FRMD5: variants seen among roughly 807,000 people sequenced by gnomAD.
FRMD5 encodes FERM domain containing 5, also known as FERM domain-containing protein 5.
In FRMD5, 20 loss-of-function variants were observed where a neutral mutation model predicts 69.0. That is an observed-to-expected ratio of 0.29 (90% CI 0.20 to 0.42). The LOEUF (loss-of-function observed/expected upper bound fraction) is 0.42. FRMD5 is among the 10% of genes least tolerant of loss of function. The pLI is 1.00. For missense variants in FRMD5, 595 were observed against 708.6 expected, an observed-to-expected ratio of 0.84 and a Z score of 1.82; for synonymous variants, 271 against 260.1, an observed-to-expected ratio of 1.04 and a Z score of -0.40.
intron 2 of FRMD5, among the ~76,000 whole-genome samples, chr15:43,920,280 T>C (rs2089471176): frequency 6.6e-6 from 1 of 152,070 alleles, no homozygotes; most frequent in South Asian, 2.1e-4. Flanking sequence ...CTCTAGAAAG[T>C]AGTGAGAAGT....
At chr15:44,111,847 CTT>C (rs2076800394) in intron 1 of FRMD5, among the ~76,000 whole-genome samples, 1 of 151,506 alleles carries the variant, frequency 6.6e-6, no homozygotes, top group South Asian at 2.1e-4. Context: ...ATACTTCTCT[CTT>C]TTCCTTTTTT....
intron 1 of FRMD5, among the ~76,000 whole-genome samples, chr15:44,091,362 G>A (rs540890262): frequency 3.3e-5 from 5 of 151,754 alleles, no homozygotes; most frequent in East Asian, 1.9e-4. Context: ...ACACACACAC[G>A]CACATGCACA....
chr15:43,984,523 G>C (rs1237702023), intron 1 of FRMD5, among the ~76,000 whole-genome samples: 1 of 152,186 alleles, frequency 6.6e-6, no homozygotes, highest in Non-Finnish European at 1.5e-5. Context: ...AACAATCCTT[G>C]TCACAACTGC....
intron 1 of FRMD5, among the ~76,000 whole-genome samples, chr15:44,038,470 G>A (rs1892023438): frequency 6.9e-6 from 1 of 144,338 alleles, no homozygotes; most frequent in East Asian, 2.1e-4. Context: ...TTTTGTATAA[G>A]GTGTAAGGAA....
chr15:44,190,883 T>C lies in FRMD5; in HGVS notation c.102+4070A>G, dbSNP rs193018406. ...GATAATTCTTAGGGTTTATGATTTATAGCTTTCTCTTAATCTATTATAAAC... is the reference window on the plus strand; with the variant it reads ...GATAATTCTTAGGGTTTATGATTTACAGCTTTCTCTTAATCTATTATAAAC... On this transcript the variant is annotated intron_variant, in intron 1 of 13. Transcript: ENST00000417257. Among the ~76,000 whole-genome samples, 389 of 152,350 alleles carry C rather than the reference T, an allele frequency of 2.6e-3. 5 individuals are homozygous for C. Among genetic ancestry groups the C allele is most frequent in the African/African-American group, 8.8e-3 (365 of 41,580 alleles).
intron 1 of FRMD5, among the ~76,000 whole-genome samples, chr15:44,032,848 C>T (rs982856160): frequency 6.6e-6 from 1 of 152,128 alleles, no homozygotes; most frequent in Non-Finnish European, 1.5e-5. Flanking sequence ...CCCAGCAATC[C>T]CATTACTGGG....
chr15:43,879,309 C>A (rs1459707536), intron 13 of FRMD5, among the ~76,000 whole-genome samples: 1 of 152,156 alleles, frequency 6.6e-6, no homozygotes. Context: ...CCTCCCTTAA[C>A]AGAAGATCTC....
intron 1 of FRMD5, among the ~76,000 whole-genome samples, chr15:44,035,650 A>C (rs1363096753): frequency 3.3e-5 from 5 of 152,158 alleles, no homozygotes; most frequent in Admixed American, 3.3e-4. Flanking sequence ...GAAGTAATAA[A>C]ATTTGGAGAC....
intron 1 of FRMD5, among the ~76,000 whole-genome samples, chr15:44,105,926 T>C (rs2076710630): frequency 6.6e-6 from 1 of 152,230 alleles, no homozygotes; most frequent in Admixed American, 6.5e-5. Flanking sequence ...AAGTCCCTTA[T>C]ATAAAATAGA....
intron 1 of FRMD5, among the ~76,000 whole-genome samples, chr15:44,112,164 T>C (rs2076806531): frequency 6.6e-6 from 1 of 152,130 alleles, no homozygotes; most frequent in African/African-American, 2.4e-5. Flanking sequence ...TCTTTTCATA[T>C]AAAAATGTCA....
chr15:43,995,236 T>C (rs1369946510), intron 1 of FRMD5, among the ~76,000 whole-genome samples: 1 of 152,214 alleles, frequency 6.6e-6, no homozygotes, highest in East Asian at 1.9e-4. Context: ...TAAATAGCTG[T>C]TATGCTGTAT....
At chr15:44,066,983 T>A (rs900774667) in intron 1 of FRMD5, among the ~76,000 whole-genome samples, 1 of 152,072 alleles carries the variant, frequency 6.6e-6, no homozygotes, top group Non-Finnish European at 1.5e-5. Context: ...CAAAATATTA[T>A]TGATGCTAGT....
chr15:44,139,352 C>T (rs2077233516), intron 1 of FRMD5, among the ~76,000 whole-genome samples: 1 of 150,734 alleles, frequency 6.6e-6, no homozygotes, highest in Non-Finnish European at 1.5e-5. Context: ...TACTAAAAGA[C>T]AGAGTCTATG....
At chr15:44,189,089 G>A (rs1164264269) in intron 1 of FRMD5, among the ~76,000 whole-genome samples, 1 of 152,204 alleles carries the variant, frequency 6.6e-6, no homozygotes, top group Non-Finnish European at 1.5e-5. Context: ...TCTCTTTAGA[G>A]AACTTGATTC....
intron 1 of FRMD5, among the ~76,000 whole-genome samples, chr15:43,977,279 T>C (rs926174532): frequency 2.6e-5 from 4 of 152,194 alleles, no homozygotes; most frequent in Non-Finnish European, 5.9e-5. Flanking sequence ...GGTTGACCTT[T>C]GCTTTGTTTT....
intron 1 of FRMD5, chr15:43,989,041 G>A (rs1489281559): frequency 1.1e-5 from 9 of 830,712 alleles, no homozygotes; most frequent in East Asian, 2.8e-5. Flanking sequence ...AGGGTGTAAC[G>A]CAACTAAGTC....
intron 1 of FRMD5, among the ~76,000 whole-genome samples, chr15:43,958,862 T>C (rs925327065): frequency 3.3e-5 from 5 of 152,234 alleles, no homozygotes; most frequent in East Asian, 3.8e-4. Context: ...TCTATGGCTA[T>C]GTCACAAAGG....
At chr15:44,124,561 T>C (rs1334642536) in intron 1 of FRMD5, among the ~76,000 whole-genome samples, 1 of 151,690 alleles carries the variant, frequency 6.6e-6, no homozygotes, top group Non-Finnish European at 1.5e-5. Context: ...TAGCCAGGCA[T>C]GGTGGCACGC....
intron 1 of FRMD5, among the ~76,000 whole-genome samples, chr15:44,014,849 C>T (rs1342766516): frequency 5.3e-5 from 8 of 152,138 alleles, no homozygotes; most frequent in African/African-American, 1.7e-4. Flanking sequence ...ATTAACTAAA[C>T]GAGCACATCA....
Sources: allele counts gnomAD v4.1 joint callset (sites outside exome capture counted in the v4.1 genomes callset), GRCh38; gene constraint gnomAD v4.1.1; transcripts MANE v1.5; gene names NCBI Gene and HGNC (gene_info 2026-07-23, HGNC 2026-07-21).